Variants in CEP44 observed in about 807,000 individuals in gnomAD.
CEP44 encodes the protein centrosomal protein of 44 kDa.
Under a neutral mutation model 46.7 loss-of-function variants are expected in CEP44, and 45 were observed. That is an observed-to-expected ratio of 0.96 (90% CI 0.76 to 1.24). CEP44 has a LOEUF of 1.24. CEP44 is among the 50% of genes most tolerant of loss of function. The pLI, the probability that CEP44 is intolerant of heterozygous loss-of-function variation, is 0.00. For synonymous variants in CEP44, 142 were observed against 146.0 expected, an observed-to-expected ratio of 0.97 and a Z score of 0.20; for missense variants, 475 against 459.7, an observed-to-expected ratio of 1.03 and a Z score of -0.30.
rs568532192 is a variant in CEP44 at position 174,302,565 on chromosome 4, AT to A, written c.237+389del. ...TTTGTAAGAAGGAACTATTACTGAC[AT>A]TTTTTTTTTATTAAACTGATATATT... is the stretch of plus-strand genomic sequence containing the variant. On this transcript the variant is annotated intron_variant, in intron 4 of 11. Transcript: ENST00000503780. Among the ~76,000 whole-genome samples the A allele has an allele frequency of 2.7e-3, 400 of 149,552 alleles. 1 individual carries two copies. The highest frequency in any genetic ancestry group is 4.7e-3 in the Non-Finnish European group (315 of 67,230).
chr4:174,307,694 A>C (rs1417446880), intron 6 of CEP44, among the ~76,000 whole-genome samples: 1 of 152,208 alleles, frequency 6.6e-6, no homozygotes, highest in African/African-American at 2.4e-5. Context: ...AGTGGGAGAA[A>C]ATTTTTGCAA....
rs1579159654 is a variant in CEP44, at chr4:174,318,010, G to T, written c.*627G>T. On this transcript the variant is annotated 3_prime_UTR_variant, in exon 12 of 12. Coordinates refer to ENST00000503780, the MANE Select transcript of CEP44 (RefSeq NM_001040157.3). ...TCAAGTTTAGACCAAGAGGACTATG[G>T]TCTCAAGGTTCACCATGAGAAATGT... 3.0e-6 allele frequency: 3 copies of T among 985,100 alleles called. No individual in the cohort carries two copies. Among genetic ancestry groups the T allele is most frequent in the South Asian group, 9.4e-5 (2 of 21,286 alleles). 61.0% of individuals were successfully genotyped at this position (985,100 alleles called of 1,614,324 possible). A position where few individuals can be genotyped will look rare whatever the true frequency, so the allele number is the denominator to read the frequency against.
At chr4:174,313,122 G>T (rs1332049985) in intron 9 of CEP44, among the ~76,000 whole-genome samples, 1 of 151,900 alleles carries the variant, frequency 6.6e-6, no homozygotes, top group Non-Finnish European at 1.5e-5. Flanking sequence ...TAGGCAAGGG[G>T]GGCTATATCT....
intron 1 of CEP44, chr4:174,284,267 A>C: frequency 5.1e-6 from 2 of 392,390 alleles, no homozygotes; most frequent in African/African-American, 2.1e-5. Context: ...TTTAAATCAA[A>C]TGGCGGGAGG....
intron 1 of CEP44, among the ~76,000 whole-genome samples, chr4:174,289,812 T>C (rs112922440): frequency 0.012 from 1,889 of 152,040 alleles, 35 homozygotes; most frequent in African/African-American, 0.042. Flanking sequence ...CCTTGAGGTG[T>C]AAAGTTAGGT....
In CEP44 at chr4:174,304,255, A is replaced by G; in HGVS notation, c.393A>G (p.Ser131=). 1 of 1,589,316 alleles carries G rather than the reference A, an allele frequency of 6.3e-7. No homozygotes were observed. The highest frequency in any genetic ancestry group is 1.2e-5 in the South Asian group (1 of 84,654). The change falls in exon 6 of 12, where the codon TCA becomes TCG. Residue 131 remains serine, a synonymous_variant. Transcript: ENST00000503780. Reference sequence around the variant, plus strand: ...AATACCTTTTTTTTTAGATTCCATCACAACAAAGAAAGAAAATCAGTTCTG... The same window carrying G: ...AATACCTTTTTTTTTAGATTCCATCGCAACAAAGAAAGAAAATCAGTTCTG... ...KELSSLQKIP[S]QQRKKISSGK... is the part of the protein sequence containing the mutation.
At chr4:174,305,275 G>A (rs1278219619) in intron 6 of CEP44, among the ~76,000 whole-genome samples, 2 of 152,104 alleles carry the variant, frequency 1.3e-5, no homozygotes, top group Non-Finnish European at 2.9e-5. Flanking sequence ...CCAGCATGGC[G>A]AAACCCCATT....
chr4:174,327,181 A>T (rs1444159620), intron 8 of CEP44, among the ~76,000 whole-genome samples: 1 of 140,740 alleles, frequency 7.1e-6, no homozygotes, highest in African/African-American at 2.7e-5. Flanking sequence ...ATATGTATAT[A>T]TATATTTAGA....
At chr4:174,323,584 T>C (rs1424569193), downstream of CEP44, among the ~76,000 whole-genome samples, 1 of 152,074 alleles carries the variant, frequency 6.6e-6, no homozygotes, top group Non-Finnish European at 1.5e-5. Flanking sequence ...CTCCTTGAAG[T>C]TGGGGCATTA....
rs1002116541 is a variant in CEP44, at chr4:174,309,724, C to T, written c.679-126C>T. 3 of 647,274 alleles carry T rather than the reference C, an allele frequency of 4.6e-6. No homozygotes were observed. The highest frequency in any genetic ancestry group is 7.8e-6 in the Non-Finnish European group (3 of 384,412). The allele number at this position is 647,274 out of a possible 1,614,324, so 40.1% of individuals were successfully genotyped here. A position where few individuals can be genotyped will look rare whatever the true frequency, so the allele number is the denominator to read the frequency against. On this transcript the variant is annotated intron_variant, in intron 7 of 11. Transcript: ENST00000503780. The surrounding 1 kb of genome is among the most constrained non-coding windows in gnomAD (Gnocchi z 5.3). Reference sequence around the variant, plus strand: ...AAGTAGTCTCCATCCAGAGATAGCTCTCTTAACTCTCAAGCAGGACGGTCT... The same window carrying T: ...AAGTAGTCTCCATCCAGAGATAGCTTTCTTAACTCTCAAGCAGGACGGTCT...
At chr4:174,305,550 C>G (rs1398181845) in intron 6 of CEP44, among the ~76,000 whole-genome samples, 1 of 152,074 alleles carries the variant, frequency 6.6e-6, no homozygotes, top group Non-Finnish European at 1.5e-5. Flanking sequence ...CTGTTTTGCT[C>G]TAGGTAATGA....
intron 1 of CEP44, among the ~76,000 whole-genome samples, chr4:174,296,508 A>G (rs1739034590): frequency 6.6e-6 from 1 of 152,000 alleles, no homozygotes; most frequent in Admixed American, 6.6e-5. Flanking sequence ...GTCTTATTTA[A>G]ATTTTTATTT....
In CEP44 at chr4:174,312,053, C is replaced by T. The variant is rs1223634274; in HGVS notation, c.961+1195C>T. Among the ~76,000 whole-genome samples, 1 of 152,058 alleles carries T rather than the reference C, an allele frequency of 6.6e-6. No individual in the cohort carries two copies. Among genetic ancestry groups the T allele is most frequent in the Non-Finnish European group, 1.5e-5 (1 of 68,010 alleles). On this transcript the variant is annotated intron_variant, in intron 9 of 11. Coordinates refer to ENST00000503780, the MANE Select transcript of CEP44 (RefSeq NM_001040157.3). This position sits in a 1 kb window ranked among gnomAD's most constrained non-coding sequence, Gnocchi z 4.5. ...AGCAAAAACTTTATCTTATGGTCTG[C>T]CTGTCTAGCACACAGAAAGTATGTC...
In CEP44 at chr4:174,329,282, C is replaced by A. The variant is rs534248524; in HGVS notation, c.1087-2200C>A. On this transcript the variant is annotated intron_variant, in intron 8 of 8. Coordinates refer to the CEP44 transcript ENST00000426172. This position sits in a 1 kb window ranked among gnomAD's most constrained non-coding sequence, Gnocchi z 4.0. The stretch of plus-strand genomic sequence containing the variant: ...TTTCCATTTTATTAGGAAGATGATT[C>A]AGGATGAATAGGAAAATATCATGGG... 1.3e-5 allele frequency among the ~76,000 whole-genome samples: 2 copies of A among 152,042 alleles called. No individual in the cohort carries two copies. Among genetic ancestry groups the A allele is most frequent in the East Asian group, 3.9e-4 (2 of 5,164 alleles).
rs966171115 is a variant in CEP44 at position 174,318,775 on chromosome 4, C to G, written c.*1392C>G. The G allele has an allele frequency of 2.6e-6, 2 of 759,144 alleles. No homozygotes were observed. Among genetic ancestry groups the G allele is most frequent in the Non-Finnish European group, 3.2e-6 (2 of 625,766 alleles). The allele number at this position is 759,144 out of a possible 1,614,324, so 47.0% of individuals were successfully genotyped here. ...GTGAATTTGAAACAGTGTAAGAAAT[C>G]ACTTTTAAGAAAACATTTTTAGAAT... On this transcript the variant is annotated 3_prime_UTR_variant, in exon 12 of 12. Transcript: ENST00000503780.
intron 4 of CEP44, 94 bp downstream of exon 4, chr4:174,302,280 T>C: frequency 4.1e-6 from 3 of 730,332 alleles, no homozygotes; most frequent in Non-Finnish European, 6.8e-6. Context: ...ATGCAGCATA[T>C]ACAATTGACA....
chr4:174,306,964 G>A (rs983705102), intron 6 of CEP44, among the ~76,000 whole-genome samples: 3 of 152,086 alleles, frequency 2.0e-5, no homozygotes, highest in Non-Finnish European at 2.9e-5. Flanking sequence ...AATCAGAGAT[G>A]ACACAAACAA....
At position 174,309,874 on chromosome 4, in the gene CEP44, A is replaced by T; in HGVS notation, c.703A>T (p.Thr235Ser). The change falls in exon 8 of 12, where the codon ACT (threonine) becomes TCT (serine). Residue 235 changes from threonine to serine, a missense_variant. Transcript: ENST00000503780. This position sits in a 1 kb window ranked among gnomAD's most constrained non-coding sequence, Gnocchi z 5.3. ...QQDVNVNPEI[T>S]ALQTMLAECQ... ...GGATGTAAATGTTAATCCTGAGATTACTGCACTACAAACTATGCTTGCTGA... is the reference window on the plus strand; with the variant it reads ...GGATGTAAATGTTAATCCTGAGATTTCTGCACTACAAACTATGCTTGCTGA... 1 of 1,608,458 alleles carries T rather than the reference A, an allele frequency of 6.2e-7. No homozygotes were observed. The highest frequency in any genetic ancestry group is 8.5e-7 in the Non-Finnish European group (1 of 1,175,584).
At chr4:174,324,935 G>T (rs1742561127), downstream of CEP44, among the ~76,000 whole-genome samples, 1 of 152,118 alleles carries the variant, frequency 6.6e-6, no homozygotes, top group Admixed American at 6.6e-5. Context: ...TCCCCTATAA[G>T]CTGTGAGTAC....
Sources: allele counts gnomAD v4.1 joint callset (sites outside exome capture counted in the v4.1 genomes callset), GRCh38; gene constraint gnomAD v4.1.1; non-coding constraint Gnocchi (gnomAD v3.1); transcripts MANE v1.5; gene names NCBI Gene and HGNC (gene_info 2026-07-23, HGNC 2026-07-21).